OPCML: variants seen among roughly 807,000 people sequenced by gnomAD.
OPCML encodes the protein opioid binding protein/cell adhesion molecule like.
A neutral mutation model predicts 37.8 loss-of-function variants in OPCML; 13 were observed. That is an observed-to-expected ratio of 0.34 (90% CI 0.22 to 0.55). The LOEUF (loss-of-function observed/expected upper bound fraction) is 0.55, where lower values mean the gene tolerates loss of function less well. OPCML is among the 20% of genes least tolerant of loss of function. The pLI, the probability that OPCML is intolerant of heterozygous loss-of-function variation, is 0.91. For synonymous variants in OPCML, 176 were observed against 168.8 expected, an observed-to-expected ratio of 1.04 and a Z score of -0.33; for missense variants, 341 against 435.6, an observed-to-expected ratio of 0.78 and a Z score of 1.93.
At chr11:133,087,077 C>A (rs187958200) in intron 1 of OPCML, among the ~76,000 whole-genome samples, 1 of 152,246 alleles carries the variant, frequency 6.6e-6, no homozygotes, top group African/African-American at 2.4e-5. Context: ...CGAGTTCAAA[C>A]CTATAATTTA....
At chr11:132,504,837 G>A (rs2096253033) in intron 4 of OPCML, among the ~76,000 whole-genome samples, 1 of 152,104 alleles carries the variant, frequency 6.6e-6, no homozygotes, top group South Asian at 2.1e-4. Flanking sequence ...ACGGTGAAGA[G>A]TGCTCAAGGG....
At chr11:133,357,817 T>A (rs1362555576) in intron 1 of OPCML, among the ~76,000 whole-genome samples, 1 of 152,164 alleles carries the variant, frequency 6.6e-6, no homozygotes, top group Non-Finnish European at 1.5e-5. Flanking sequence ...TTGTACTTCC[T>A]CCTTTCCTGC....
chr11:132,550,356 G>C (rs1484375613), intron 3 of OPCML, among the ~76,000 whole-genome samples: 1 of 152,054 alleles, frequency 6.6e-6, no homozygotes, highest in South Asian at 2.1e-4. Context: ...CCATTCCCTC[G>C]GTGCTGTCCT....
intron 1 of OPCML, among the ~76,000 whole-genome samples, chr11:133,093,961 A>G (rs924870509): frequency 6.6e-6 from 1 of 152,202 alleles, no homozygotes; most frequent in Non-Finnish European, 1.5e-5. Context: ...AAGTGGAAGG[A>G]TATGTCCGGT....
chr11:132,815,883 G>A (rs536589963), intron 2 of OPCML, among the ~76,000 whole-genome samples: 67 of 152,200 alleles, frequency 4.4e-4, no homozygotes, highest in Non-Finnish European at 8.2e-4. Context: ...ATAGAGAAAT[G>A]TGTCTTGCTG....
chr11:133,153,666 T>A (rs545511461), intron 1 of OPCML, among the ~76,000 whole-genome samples: 1 of 152,172 alleles, frequency 6.6e-6, no homozygotes, highest in Admixed American at 6.5e-5. Flanking sequence ...GATGGGAGCA[T>A]CTCTGGCCTC....
chr11:133,294,810 T>C (rs1171979639), intron 1 of OPCML, among the ~76,000 whole-genome samples: 1 of 141,044 alleles, frequency 7.1e-6, no homozygotes, highest in Non-Finnish European at 1.5e-5. Context: ...TTTCTTTCTT[T>C]CTTTCTTTTT....
At chr11:133,459,371 CTTA>C (rs1489097473) in intron 1 of OPCML, among the ~76,000 whole-genome samples, 1 of 151,860 alleles carries the variant, frequency 6.6e-6, no homozygotes, top group Non-Finnish European at 1.5e-5. Context: ...AAAAAGTGTC[CTTA>C]TTAGTAGTTA....
intron 4 of OPCML, among the ~76,000 whole-genome samples, chr11:132,466,452 C>G (rs1483785778): frequency 1.3e-5 from 2 of 151,530 alleles, no homozygotes; most frequent in East Asian, 1.9e-4. Flanking sequence ...CCACTGCACT[C>G]CAGCCTGGGC....
intron 3 of OPCML, among the ~76,000 whole-genome samples, chr11:132,559,145 A>T (rs2096404853): frequency 6.6e-6 from 1 of 152,026 alleles, no homozygotes. Context: ...AAAGAGTGAG[A>T]GGGAGAGAGA....
chr11:133,258,460 C>T (rs1038877737), intron 1 of OPCML, among the ~76,000 whole-genome samples: 1 of 152,140 alleles, frequency 6.6e-6, no homozygotes. Context: ...CCTACAGGCA[C>T]AGTCTCTCTT....
intron 1 of OPCML, among the ~76,000 whole-genome samples, chr11:133,456,509 A>G (rs1280603391): frequency 6.6e-6 from 1 of 152,174 alleles, no homozygotes; most frequent in African/African-American, 2.4e-5. Context: ...GCAAAATAAA[A>G]GGAACAAAAT....
chr11:132,895,829 G>A (rs1943818299), intron 2 of OPCML, among the ~76,000 whole-genome samples: 1 of 152,008 alleles, frequency 6.6e-6, no homozygotes, highest in Admixed American at 6.6e-5. Context: ...TTTGCTTCTG[G>A]ACCTGTAACT....
intron 1 of OPCML, among the ~76,000 whole-genome samples, chr11:133,132,550 G>A (rs1157750858): frequency 6.6e-6 from 1 of 152,094 alleles, no homozygotes; most frequent in East Asian, 1.9e-4. Flanking sequence ...ATAAATGAAG[G>A]TATACGCTAA....
chr11:133,305,075 T>A (rs1298219841), intron 1 of OPCML, among the ~76,000 whole-genome samples: 1 of 152,158 alleles, frequency 6.6e-6, no homozygotes, highest in Non-Finnish European at 1.5e-5. Flanking sequence ...GTCTGATTCC[T>A]AACTTCATTC....
intron 2 of OPCML, among the ~76,000 whole-genome samples, chr11:132,879,101 G>A (rs1297969571): frequency 1.3e-5 from 2 of 152,278 alleles, no homozygotes; most frequent in East Asian, 1.9e-4. Flanking sequence ...TGAAATTAAC[G>A]TAAGTAAGCT....
intron 2 of OPCML, among the ~76,000 whole-genome samples, chr11:132,715,697 G>C (rs1247387241): frequency 6.6e-6 from 1 of 152,184 alleles, no homozygotes; most frequent in Non-Finnish European, 1.5e-5. Context: ...AGACACCTCA[G>C]CTACACTAGC....
chr11:133,375,165 C>T (rs890207690), intron 1 of OPCML, among the ~76,000 whole-genome samples: 8 of 152,364 alleles, frequency 5.3e-5, no homozygotes, highest in Middle Eastern at 3.4e-3. Flanking sequence ...TCCATAGAGT[C>T]TTCCTCTGAA....
At chr11:133,105,036 C>G (rs761606736) in intron 1 of OPCML, among the ~76,000 whole-genome samples, 1 of 152,068 alleles carries the variant, frequency 6.6e-6, no homozygotes, top group South Asian at 2.1e-4. Flanking sequence ...AATTGTTAGG[C>G]ACATTAAGAA....
Sources: allele counts gnomAD v4.1 joint callset (sites outside exome capture counted in the v4.1 genomes callset), GRCh38; gene constraint gnomAD v4.1.1; transcripts MANE v1.5; gene names NCBI Gene and HGNC (gene_info 2026-07-23, HGNC 2026-07-21).